The following LCLAT1 variants were observed in gnomAD, a reference collection of about 807,000 sequenced individuals.
LCLAT1 encodes the protein lysocardiolipin acyltransferase 1.
LCLAT1 carries 11 observed loss-of-function variants against 30.7 expected under a neutral mutation model. The ratio of observed to expected loss-of-function variants is 0.36; its 90% CI spans 0.23 to 0.59. LCLAT1 has a LOEUF of 0.59. LCLAT1 is among the 20% of genes least tolerant of loss of function. The pLI, the probability that LCLAT1 is intolerant of heterozygous loss-of-function variation, is 0.77. For synonymous variants in LCLAT1, 155 were observed against 151.3 expected (o/e 1.02, Z -0.18); for missense variants, 402 against 458.6 (o/e 0.88, Z 1.13).
intron 1 of LCLAT1, among the ~76,000 whole-genome samples, chr2:30,474,649 C>CTTTT (rs10654986): frequency 2.3e-4 from 33 of 143,846 alleles, no homozygotes; most frequent in Admixed American, 8.3e-4. Flanking sequence ...AATAATTTAA[C>CTTTT]TTTTTTTTTT....
chr2:30,603,858 G>A (rs1324201560), intron 5 of LCLAT1, among the ~76,000 whole-genome samples: 1 of 152,098 alleles, frequency 6.6e-6, no homozygotes, highest in African/African-American at 2.4e-5. Context: ...AAGGAGATTT[G>A]TACTTCTAGC....
intron 1 of LCLAT1, among the ~76,000 whole-genome samples, chr2:30,459,106 A>T (rs1191258496): frequency 6.6e-6 from 1 of 152,158 alleles, no homozygotes; most frequent in African/African-American, 2.4e-5. Flanking sequence ...TTCCTTCTTT[A>T]GGAAGGTCTT....
intron 3 of LCLAT1, among the ~76,000 whole-genome samples, chr2:30,555,346 TTGAGGAGAAC>T (rs1664867102): frequency 6.6e-6 from 1 of 152,060 alleles, no homozygotes; most frequent in Non-Finnish European, 1.5e-5. Flanking sequence ...AGAAATTATT[TTGAGGAGAAC>T]TAACAGAAAG....
intron 1 of LCLAT1, among the ~76,000 whole-genome samples, chr2:30,479,637 TTAA>T (rs1159395447): frequency 2.6e-5 from 4 of 152,080 alleles, no homozygotes; most frequent in Non-Finnish European, 5.9e-5. Context: ...AGTGGAGTAG[TTAA>T]TTATTGGGAA....
At chr2:30,590,071 G>C (rs759128713) in intron 5 of LCLAT1, among the ~76,000 whole-genome samples, 2 of 151,962 alleles carry the variant, frequency 1.3e-5, no homozygotes, top group Non-Finnish European at 2.9e-5. Context: ...TGCCTTTCTG[G>C]TACATTTCAT....
chr2:30,498,651 C>A (rs923912257), intron 1 of LCLAT1, among the ~76,000 whole-genome samples: 2 of 152,128 alleles, frequency 1.3e-5, no homozygotes, highest in South Asian at 4.1e-4. Context: ...CTTACTTTAT[C>A]CTCTCTCATG....
intron 5 of LCLAT1, among the ~76,000 whole-genome samples, chr2:30,617,513 G>T (rs535749762): frequency 3.0e-4 from 45 of 152,214 alleles, no homozygotes; most frequent in Non-Finnish European, 5.4e-4. Context: ...ATTAATACAA[G>T]AATTTGTATG....
intron 3 of LCLAT1, among the ~76,000 whole-genome samples, chr2:30,559,944 C>G (rs773099502): frequency 2.0e-5 from 3 of 152,162 alleles, no homozygotes; most frequent in Non-Finnish European, 2.9e-5. Flanking sequence ...ATTTGTTTCT[C>G]TCATCAATCC....
intron 5 of LCLAT1, among the ~76,000 whole-genome samples, chr2:30,611,097 T>C (rs1026066): frequency 0.24 from 35,642 of 149,900 alleles, 4,741 homozygotes; most frequent in Non-Finnish European, 0.31. Context: ...TTTTTTTTTT[T>C]CCTATCAGTA....
chr2:30,540,474 G>A (rs1664080109), intron 3 of LCLAT1, among the ~76,000 whole-genome samples: 2 of 152,056 alleles, frequency 1.3e-5, no homozygotes, highest in Admixed American at 6.5e-5. Flanking sequence ...TTGAAACCTA[G>A]ATCAGAGTAT....
At chr2:30,530,860 A>C (rs1232893445) in intron 2 of LCLAT1, among the ~76,000 whole-genome samples, 1 of 152,214 alleles carries the variant, frequency 6.6e-6, no homozygotes, top group East Asian at 1.9e-4. Context: ...TGGATTTTTT[A>C]TGTTATTTTT....
At chr2:30,528,146 G>A (rs1685810573) in intron 2 of LCLAT1, among the ~76,000 whole-genome samples, 1 of 152,202 alleles carries the variant, frequency 6.6e-6, no homozygotes, top group Admixed American at 6.5e-5. Flanking sequence ...GTAGTACATA[G>A]CAAGTTGCAC....
intron 3 of LCLAT1, among the ~76,000 whole-genome samples, chr2:30,551,095 C>T (rs1664656215): frequency 6.6e-6 from 1 of 152,164 alleles, no homozygotes; most frequent in Non-Finnish European, 1.5e-5. Flanking sequence ...CCTTCCGCCT[C>T]AGCCTCCTTA....
At chr2:30,483,966 A>T (rs180745851) in intron 1 of LCLAT1, among the ~76,000 whole-genome samples, 2 of 152,266 alleles carry the variant, frequency 1.3e-5, no homozygotes, top group East Asian at 3.9e-4. Context: ...TGTTAGTAAA[A>T]TGAGAATGTT....
At chr2:30,631,719 T>A (rs1668779067) in intron 5 of LCLAT1, among the ~76,000 whole-genome samples, 2 of 152,228 alleles carry the variant, frequency 1.3e-5, no homozygotes. Context: ...GAAATTAACA[T>A]GTACTCAGCC....
intron 5 of LCLAT1, among the ~76,000 whole-genome samples, chr2:30,568,957 A>G (rs933579905): frequency 7.2e-5 from 11 of 151,730 alleles, no homozygotes; most frequent in Non-Finnish European, 1.3e-4. Flanking sequence ...TCATTCTCTT[A>G]CTATTTTAAG....
chr2:30,582,961 CTT>C (rs1374945172), intron 5 of LCLAT1, among the ~76,000 whole-genome samples: 1 of 152,220 alleles, frequency 6.6e-6, no homozygotes, highest in Non-Finnish European at 1.5e-5. Flanking sequence ...AGGTCATCCT[CTT>C]TTATGACTTC....
At chr2:30,576,684 CT>C (rs1666005012) in intron 5 of LCLAT1, among the ~76,000 whole-genome samples, 1 of 151,912 alleles carries the variant, frequency 6.6e-6, no homozygotes, top group African/African-American at 2.4e-5. Context: ...GTATATGCTT[CT>C]TTTTTGGGTT....
At position 30,641,686 on chromosome 2, in the gene LCLAT1, C is replaced by G. The variant is rs1181997493; in HGVS notation, c.*1067C>G. 6.6e-6 allele frequency: 1 copy of G among 152,062 alleles called. No individual in the cohort carries two copies. The highest frequency in any genetic ancestry group is 2.4e-5 in the African/African-American group (1 of 41,392). 9.4% of individuals were successfully genotyped at this position (152,062 alleles called of 1,614,324 possible). A position where few individuals can be genotyped will look rare whatever the true frequency, so the allele number is the denominator to read the frequency against. ...CCAAAATGAAACACAAAAATTAATC[C>G]TTAATAATGATAGCAAGTGATCTTT... is the stretch of plus-strand genomic sequence containing the variant. On this transcript the variant is annotated 3_prime_UTR_variant, in exon 6 of 6. Transcript: ENST00000379509.
Sources: allele counts gnomAD v4.1 joint callset (sites outside exome capture counted in the v4.1 genomes callset), GRCh38; gene constraint gnomAD v4.1.1; transcripts MANE v1.5; gene names NCBI Gene and HGNC (gene_info 2026-07-23, HGNC 2026-07-21).